The following FHOD3 variants were observed in gnomAD, a reference collection of about 807,000 sequenced individuals.
FHOD3 encodes formin homology 2 domain containing 3.
A neutral mutation model predicts 173.0 loss-of-function variants in FHOD3; 90 were observed. The observed-to-expected ratio is 0.52, with a 90% CI of 0.44 to 0.62. The LOEUF is 0.62. Ranked by LOEUF, FHOD3 falls within the 20% of genes least tolerant of loss-of-function variation. The pLI, the probability that FHOD3 is intolerant of heterozygous loss-of-function variation, is 0.00. For missense variants in FHOD3, 1,945 were observed against 2,034.7 expected, an observed-to-expected ratio of 0.96 and a Z score of 0.85; for synonymous variants, 828 against 823.0, an observed-to-expected ratio of 1.01 and a Z score of -0.10.
chr18:36,311,232 C>T (rs1005012374), intron 1 of FHOD3, among the ~76,000 whole-genome samples: 1 of 152,126 alleles, frequency 6.6e-6, no homozygotes, highest in Non-Finnish European at 1.5e-5. Flanking sequence ...GGGACCCCTG[C>T]TGTTCATAGT....
chr18:36,659,541 C>T (rs1214782195), intron 14 of FHOD3, among the ~76,000 whole-genome samples: 12 of 152,194 alleles, frequency 7.9e-5, no homozygotes, highest in South Asian at 2.1e-4. Flanking sequence ...ACTGATACGA[C>T]GTTGCACATC....
intron 3 of FHOD3, among the ~76,000 whole-genome samples, chr18:36,380,201 T>C (rs1450782494): frequency 2.0e-5 from 3 of 152,128 alleles, no homozygotes; most frequent in Admixed American, 2.0e-4. Flanking sequence ...ACTGGAGTAA[T>C]AGCAACAGAA....
intron 25 of FHOD3, among the ~76,000 whole-genome samples, chr18:36,757,321 C>T (rs1485485453): frequency 6.6e-6 from 1 of 152,182 alleles, no homozygotes; most frequent in Admixed American, 6.5e-5. Flanking sequence ...TCTGCTGGAA[C>T]ATTAGGATAT....
intron 3 of FHOD3, among the ~76,000 whole-genome samples, chr18:36,452,544 A>C (rs371469710): frequency 1.5e-4 from 23 of 152,152 alleles, no homozygotes; most frequent in African/African-American, 5.3e-4. Context: ...GATCTTTAGA[A>C]CCTATTCATC....
chr18:36,501,870 C>T, intron 3 of FHOD3, 62 bp from the exon 4 acceptor site: 2 of 1,150,884 alleles, frequency 1.7e-6, no homozygotes, highest in Non-Finnish European at 2.5e-6. Flanking sequence ...CATATCCTGT[C>T]TGTGTTTTCA....
At chr18:36,751,456 A>G (rs1266013401) in intron 24 of FHOD3, among the ~76,000 whole-genome samples, 1 of 152,176 alleles carries the variant, frequency 6.6e-6, no homozygotes, top group Non-Finnish European at 1.5e-5. Flanking sequence ...TCCTATTTGA[A>G]TGCGCTTTAT....
At chr18:36,472,141 TAA>T (rs1184372968) in intron 3 of FHOD3, among the ~76,000 whole-genome samples, 20 of 150,002 alleles carry the variant, frequency 1.3e-4, no homozygotes, top group Non-Finnish European at 7.4e-5. Context: ...CTTAAATATA[TAA>T]GTTACTTGGC....
At chr18:36,309,558 G>A (rs2092197257) in intron 1 of FHOD3, among the ~76,000 whole-genome samples, 1 of 152,174 alleles carries the variant, frequency 6.6e-6, no homozygotes, top group Non-Finnish European at 1.5e-5. Flanking sequence ...GAGGACTCAG[G>A]CAGGCTCCTG....
chr18:36,439,687 G>A (rs2051024579), intron 3 of FHOD3, among the ~76,000 whole-genome samples: 1 of 152,028 alleles, frequency 6.6e-6, no homozygotes, highest in Non-Finnish European at 1.5e-5. Context: ...GAGTTTGATG[G>A]CCAAGAACCA....
intron 28 of FHOD3, among the ~76,000 whole-genome samples, chr18:36,774,178 G>A (rs2043522866): frequency 1.3e-5 from 2 of 152,172 alleles, no homozygotes; most frequent in Non-Finnish European, 2.9e-5. Context: ...CATTTTAACT[G>A]ACTGCCTTCT....
intron 17 of FHOD3, among the ~76,000 whole-genome samples, chr18:36,699,363 C>T (rs969057879): frequency 5.3e-5 from 8 of 152,380 alleles, no homozygotes; most frequent in Admixed American, 3.9e-4. Context: ...AACAAGTTTG[C>T]TGCATCTGGA....
At chr18:36,485,882 C>T (rs778219355) in intron 3 of FHOD3, among the ~76,000 whole-genome samples, 2 of 152,188 alleles carry the variant, frequency 1.3e-5, no homozygotes, top group Non-Finnish European at 2.9e-5. Context: ...TCTTTGGTGT[C>T]TACTGTATGT....
intron 3 of FHOD3, among the ~76,000 whole-genome samples, chr18:36,470,755 G>A (rs1214605206): frequency 2.0e-5 from 3 of 152,200 alleles, no homozygotes; most frequent in Non-Finnish European, 4.4e-5. Flanking sequence ...TCAGATTCCC[G>A]CTCCGCGCTG....
chr18:36,537,440 C>T (rs1193797303), intron 5 of FHOD3, among the ~76,000 whole-genome samples: 1 of 152,138 alleles, frequency 6.6e-6, no homozygotes, highest in Non-Finnish European at 1.5e-5. Flanking sequence ...CCCCCTTGCC[C>T]AGGAGCCAGT....
intron 8 of FHOD3, among the ~76,000 whole-genome samples, chr18:36,607,055 A>T (rs567574708): frequency 6.8e-4 from 104 of 152,150 alleles, no homozygotes; most frequent in African/African-American, 2.4e-3. Context: ...GCTGGATTGC[A>T]CACTGGTAGC....
intron 15 of FHOD3, among the ~76,000 whole-genome samples, chr18:36,686,250 A>G (rs558838648): frequency 1.3e-5 from 2 of 152,128 alleles, no homozygotes; most frequent in Non-Finnish European, 2.9e-5. Context: ...TGGTACATAT[A>G]CACCATGGAA....
chr18:36,641,630 G>T (rs1008946627), intron 10 of FHOD3, among the ~76,000 whole-genome samples: 14 of 152,108 alleles, frequency 9.2e-5, no homozygotes, highest in African/African-American at 3.4e-4. Context: ...TTTAGCCACT[G>T]CACCCCAGCA....
chr18:36,731,122 G>A (rs773262765), intron 20 of FHOD3, among the ~76,000 whole-genome samples: 10 of 152,194 alleles, frequency 6.6e-5, no homozygotes, highest in Middle Eastern at 3.4e-3. Flanking sequence ...TTTAAACCAC[G>A]TATGTTTAAA....
At chr18:36,467,992 G>A (rs7230125) in intron 3 of FHOD3, among the ~76,000 whole-genome samples, 1 of 152,244 alleles carries the variant, frequency 6.6e-6, no homozygotes, top group Non-Finnish European at 1.5e-5. Flanking sequence ...AAGGCAGACG[G>A]TAGGTCTGTC....
Sources: allele counts gnomAD v4.1 joint callset (sites outside exome capture counted in the v4.1 genomes callset), GRCh38; gene constraint gnomAD v4.1.1; transcripts MANE v1.5; gene names NCBI Gene and HGNC (gene_info 2026-07-23, HGNC 2026-07-21).